NFRKB: variants seen among roughly 807,000 people sequenced by gnomAD.
NFRKB encodes nuclear factor related to kappa-B-binding protein.
Under a neutral mutation model 135.7 loss-of-function variants are expected in NFRKB, and 62 were observed. The ratio of observed to expected loss-of-function variants is 0.46; its 90% CI spans 0.37 to 0.56. The LOEUF (loss-of-function observed/expected upper bound fraction) is 0.56, where lower values mean the gene tolerates loss of function less well. Among genes scored for constraint, NFRKB ranks in the 20% least tolerant of loss-of-function variants. The probability of loss-of-function intolerance (pLI) is 0.00; values close to 1 mark genes in which losing one functional copy is unlikely to be tolerated. For synonymous variants in NFRKB, 678 were observed against 635.6 expected (o/e 1.07, Z -1.00); for missense variants, 1,545 against 1,662.0 (o/e 0.93, Z 1.22).
chr11:129,875,596 G>A, intron 17 of NFRKB, 133 bp from the exon 18 acceptor site: 1 of 610,240 alleles, frequency 1.6e-6, no homozygotes, highest in Non-Finnish European at 2.9e-6. Context: ...GCCGGATTAG[G>A]TGCACTCTGC....
chr11:129,865,791 C>T, intron 25 of NFRKB, 86 bp downstream of exon 25: 1 of 1,198,146 alleles, frequency 8.3e-7, no homozygotes, highest in Non-Finnish European at 1.2e-6. Flanking sequence ...AGACCAGCCA[C>T]TTTGCCACTC....
At chr11:129,868,376 C>A (rs1341740436) in intron 24 of NFRKB, among the ~76,000 whole-genome samples, 3 of 152,066 alleles carry the variant, frequency 2.0e-5, no homozygotes, top group East Asian at 1.9e-4. Context: ...GAAATGAAAT[C>A]AAAAAAGAAC....
At position 129,882,643 on chromosome 11, in the gene NFRKB, A is replaced by C. The variant is rs777655540; in HGVS notation, c.902-12T>G. The C allele has an allele frequency of 1.3e-5, 21 of 1,611,320 alleles. No individual in the cohort carries two copies. The highest frequency in any genetic ancestry group is 1.8e-5 in the Non-Finnish European group (21 of 1,179,090). ...CAAGTCATATAAGGCTAGAAAGGCA[A>C]AGTAACACCAGTCACAGAAATGTAT... On this transcript the variant is annotated splice_polypyrimidine_tract_variant and intron_variant, in intron 9 of 26. Transcript: ENST00000682444.
chr11:129,875,306 T>G, intron 18 of NFRKB, 51 bp downstream of exon 18: 1 of 1,414,678 alleles, frequency 7.1e-7, no homozygotes, highest in African/African-American at 1.4e-5. Context: ...CTGATAAGTT[T>G]TCTTAAATCC....
Position 129,881,750 on chromosome 11 carries a change from T to C in NFRKB, c.1295A>G (p.Gln432Arg), listed in dbSNP as rs1949038858. Residue 432 changes from glutamine (Q) to arginine (R), a missense_variant, in exon 12 of 27, where the codon CAG becomes CGG. Around this residue, in one of 3 missense-constraint regions of NFRKB, gnomAD observed 678 missense variants for 646.7 expected, o/e 1.05. Transcript: ENST00000682444. ...NWAELVLPAL[Q>R]YLAGESRAVP... is the part of the protein sequence containing the mutation. ...ACCTCGACTTTCTCCAGCAAGATAC[T>C]GCAGGGCTGGTAGTACCAACTCAGC... 6.2e-7 allele frequency: 1 copy of C among 1,614,168 alleles called. No homozygotes were observed. The highest frequency in any genetic ancestry group is 1.3e-5 in the African/African-American group (1 of 75,050).
In NFRKB at chr11:129,893,034, C is replaced by T. The variant is rs867235842; in HGVS notation, c.-21-164G>A. ...CTCTCCTCCCTCCCTTTCACCACAG[C>T]ATTCCCACTGGAATTTTCAAGTCTT... On this transcript the variant is annotated intron_variant, in intron 2 of 26. Coordinates refer to ENST00000682444, the MANE Select transcript of NFRKB (RefSeq NM_001143835.2). 1.2e-5 allele frequency: 17 copies of T among 1,452,662 alleles called. No homozygotes were observed. In the Middle Eastern group the frequency reaches 1.8e-3, roughly 154 times the overall value. 90.0% of individuals were successfully genotyped at this position (1,452,662 alleles called of 1,614,324 possible).
chr11:129,882,604 T>A lies in NFRKB; in HGVS notation c.929A>T (p.Lys310Ile), dbSNP rs758008778. ...AALYDLAVLK[K>I]KVKEKEEKKK... The stretch of plus-strand genomic sequence containing the variant: ...CTTTTCCTCTTTTTCCTTAACCTTT[T>A]TTTTAAGGACAGCCAAGTCATATAA... The change falls in exon 10 of 27, where the codon AAA (lysine) becomes ATA (isoleucine). Residue 310 changes from lysine (K) to isoleucine (I), a missense_variant. By Grantham distance (102) the Lys-to-Ile change is moderately radical. This residue lies in a region of NFRKB where 678 missense variants were observed against 646.7 expected (regional missense o/e 1.05). Transcript: ENST00000682444. 5.0e-6 allele frequency: 8 copies of A among 1,613,940 alleles called. No individual in the cohort carries two copies. Among genetic ancestry groups the A allele is most frequent in the Middle Eastern group, 1.7e-4 (1 of 6,060 alleles).
At chr11:129,895,293 G>C (rs1268585632) in intron 1 of NFRKB, among the ~76,000 whole-genome samples, 1 of 152,140 alleles carries the variant, frequency 6.6e-6, no homozygotes, top group Non-Finnish European at 1.5e-5. Context: ...CCAATCCTCA[G>C]AACTGCACGG....
intron 24 of NFRKB, among the ~76,000 whole-genome samples, chr11:129,868,886 G>A (rs1948348211): frequency 6.6e-6 from 1 of 152,150 alleles, no homozygotes; most frequent in African/African-American, 2.4e-5. Flanking sequence ...CGGGTGTGAT[G>A]ACACATGCCT....
chr11:129,889,550 T>C (rs902358392), intron 3 of NFRKB, among the ~76,000 whole-genome samples: 1 of 151,448 alleles, frequency 6.6e-6, no homozygotes, highest in Non-Finnish European at 1.5e-5. Flanking sequence ...ACTCCCGAGT[T>C]ATATACTGGA....
At chr11:129,895,260 C>T (rs531929400) in intron 1 of NFRKB, among the ~76,000 whole-genome samples, 1 of 152,332 alleles carries the variant, frequency 6.6e-6, no homozygotes, top group South Asian at 2.1e-4. Context: ...CCGGTGCCAG[C>T]CCGGCTGGCC....
intron 24 of NFRKB, among the ~76,000 whole-genome samples, chr11:129,867,120 CAG>C (rs1261954954): frequency 6.6e-6 from 1 of 152,278 alleles, no homozygotes; most frequent in African/African-American, 2.4e-5. Context: ...GCTGACTAGA[CAG>C]GGGGAAGTAA....
Position 129,873,830 on chromosome 11 carries a change from C to T in NFRKB, c.2465G>A (p.Gly822Glu). Residue 822 changes from glycine to glutamate, a missense_variant, in exon 22 of 27, where the codon GGG (glycine) becomes GAG (glutamate). This residue lies in a region of NFRKB where 753 missense variants were observed against 804.3 expected (regional missense o/e 0.94). Transcript: ENST00000682444. ...SLPAVPQQSG[G>E]PAQTLPQMPA... ...CATCTGTGGCAATGTCTGTGCCGGC[C>T]CTCCCGACTGCTGGGGAACAGCAGG... The T allele has an allele frequency of 6.2e-7, 1 of 1,614,200 alleles. No individual in the cohort carries two copies. Among genetic ancestry groups the T allele is most frequent in the Non-Finnish European group, 8.5e-7 (1 of 1,180,050 alleles).
chr11:129,870,338 G>A (rs1049526337), intron 23 of NFRKB, 77 bp from the exon 24 acceptor site: 222 of 1,456,310 alleles, frequency 1.5e-4, no homozygotes, highest in Non-Finnish European at 1.9e-4. Flanking sequence ...ACAAACTTCC[G>A]TTTCATGGGT....
chr11:129,870,298 A>C, intron 23 of NFRKB, 37 bp from the exon 24 acceptor site: 1 of 1,581,360 alleles, frequency 6.3e-7, no homozygotes, highest in Non-Finnish European at 8.6e-7. Context: ...AGGGATTCAC[A>C]ATAGTAAACC....
At position 129,874,417 on chromosome 11, in the gene NFRKB, C is replaced by A; in HGVS notation, c.2058+84G>T. On this transcript the variant is annotated intron_variant, in intron 20 of 26. Coordinates refer to ENST00000682444, the MANE Select transcript of NFRKB (RefSeq NM_001143835.2). The surrounding 1 kb of genome is among the most constrained non-coding windows in gnomAD (Gnocchi z 4.5). Reference sequence around the variant, plus strand: ...GACACCCCTACAGCTCCTGATGCCCCACACCAAGTGAAAGCCGAGCAGCCA... The same window carrying A: ...GACACCCCTACAGCTCCTGATGCCCAACACCAAGTGAAAGCCGAGCAGCCA... 1 of 1,549,584 alleles carries A rather than the reference C, an allele frequency of 6.5e-7. No individual in the cohort carries two copies. Among genetic ancestry groups the A allele is most frequent in the Non-Finnish European group, 8.7e-7 (1 of 1,149,516 alleles).
intron 24 of NFRKB, among the ~76,000 whole-genome samples, chr11:129,868,800 G>A (rs536327468): frequency 1.4e-4 from 22 of 152,232 alleles, no homozygotes; most frequent in African/African-American, 4.1e-4. Flanking sequence ...AGGCCGAGGC[G>A]GGAGGATCAT....
chr11:129,866,890 C>T (rs1468682573), intron 24 of NFRKB, among the ~76,000 whole-genome samples: 1 of 152,188 alleles, frequency 6.6e-6, no homozygotes, highest in Non-Finnish European at 1.5e-5. Context: ...AGCTGCACAA[C>T]TGCGCGGCAG....
chr11:129,888,877 A>G, intron 3 of NFRKB, 82 bp from the exon 4 acceptor site: 1 of 996,074 alleles, frequency 1.0e-6, no homozygotes. Context: ...ACATTACATA[A>G]TATACATAAG....
Sources: gnomAD v4.1 joint callset for allele counts (sites outside exome capture counted in the v4.1 genomes callset) on GRCh38, gnomAD v4.1.1 for gene constraint, gnomAD v4.1.1 regional missense constraint, Gnocchi (gnomAD v3.1) non-coding constraint, MANE v1.5 for transcripts, NCBI Gene and HGNC (gene_info 2026-07-23, HGNC 2026-07-21) for gene names.